The following FGGY variants were observed in gnomAD, a reference collection of about 807,000 sequenced individuals.
FGGY encodes FGGY carbohydrate kinase domain containing, also known as FGGY carbohydrate kinase domain-containing protein.
A neutral mutation model predicts 71.3 loss-of-function variants in FGGY; 72 were observed. That is an observed-to-expected ratio of 1.01 (90% confidence interval 0.84 to 1.23). The LOEUF is 1.23. Among genes scored for constraint, FGGY ranks in the 50% most tolerant of loss-of-function variants. FGGY has a pLI of 0.00. For synonymous variants in FGGY, 251 were observed against 250.3 expected (o/e 1.00, Z -0.02); for missense variants, 668 against 682.3 (o/e 0.98, Z 0.23).
intron 8 of FGGY, among the ~76,000 whole-genome samples, chr1:59,558,549 G>A (rs1380865358): frequency 1.3e-5 from 2 of 152,036 alleles, no homozygotes; most frequent in Non-Finnish European, 2.9e-5. Flanking sequence ...TGCTTCAAAG[G>A]CAAAAAGGAG....
chr1:59,429,203 A>G (rs1319904005), intron 5 of FGGY, among the ~76,000 whole-genome samples: 1 of 152,180 alleles, frequency 6.6e-6, no homozygotes, highest in Non-Finnish European at 1.5e-5. Flanking sequence ...CGTTTAGCAA[A>G]GTAAATCTCT....
intron 11 of FGGY, among the ~76,000 whole-genome samples, chr1:59,651,609 A>G (rs1331837888): frequency 2.7e-5 from 4 of 149,864 alleles, no homozygotes; most frequent in Non-Finnish European, 4.4e-5. Flanking sequence ...TGCTTGGTAG[A>G]TCTTCCTCCA....
chr1:59,675,050 C>T (rs1558764835), intron 14 of FGGY, among the ~76,000 whole-genome samples: 2 of 152,148 alleles, frequency 1.3e-5, no homozygotes, highest in Non-Finnish European at 2.9e-5. Context: ...GCTCTATTAT[C>T]CCCATTTTAT....
intron 5 of FGGY, among the ~76,000 whole-genome samples, chr1:59,451,932 A>C (rs1420538838): frequency 6.6e-6 from 1 of 151,784 alleles, no homozygotes; most frequent in Non-Finnish European, 1.5e-5. Flanking sequence ...TTTTCTGTTT[A>C]CTCTTGAAAT....
At chr1:59,524,097 G>A (rs1191344653) in intron 7 of FGGY, among the ~76,000 whole-genome samples, 1 of 152,238 alleles carries the variant, frequency 6.6e-6, no homozygotes, top group African/African-American at 2.4e-5. Flanking sequence ...GGAAATGCTT[G>A]CTCCTACTCC....
rs148147573 is a variant in FGGY at position 59,631,208 on chromosome 1, G to C, written c.1073+5159G>C. 7.0e-4 allele frequency among the ~76,000 whole-genome samples: 106 copies of C among 151,884 alleles called. 2 individuals carry two copies. The highest frequency in any genetic ancestry group is 2.4e-3 in the African/African-American group (99 of 41,410). On this transcript the variant is annotated intron_variant, in intron 10 of 15. Transcript: ENST00000303721. ...TTCCTCCTTCCTAACCACTTTTCTT[G>C]AGTTTATAGTCCTTTTCTTGACCAT...
intron 6 of FGGY, among the ~76,000 whole-genome samples, chr1:59,499,279 A>C (rs549640192): frequency 7.2e-6 from 1 of 139,452 alleles, no homozygotes; most frequent in South Asian, 2.2e-4. Flanking sequence ...GTAGTACTGA[A>C]CCCTATGTAT....
At chr1:59,496,633 A>C (rs999427219) in intron 6 of FGGY, among the ~76,000 whole-genome samples, 1 of 152,298 alleles carries the variant, frequency 6.6e-6, no homozygotes, top group East Asian at 1.9e-4. Flanking sequence ...TGTGACACGC[A>C]GTTTACCTGT....
chr1:59,666,178 A>G (rs2097323863), intron 12 of FGGY, among the ~76,000 whole-genome samples: 1 of 151,926 alleles, frequency 6.6e-6, no homozygotes, highest in Non-Finnish European at 1.5e-5. Flanking sequence ...TGACTTTCTT[A>G]TCTCTTCTGA....
intron 6 of FGGY, among the ~76,000 whole-genome samples, chr1:59,463,384 C>G (rs568846942): frequency 6.6e-6 from 1 of 152,290 alleles, no homozygotes; most frequent in South Asian, 2.1e-4. Flanking sequence ...AAAGGAACAA[C>G]CAGTACCAGC....
intron 14 of FGGY, chr1:59,698,805 G>T (rs1316228950): frequency 1.1e-5 from 11 of 985,382 alleles, no homozygotes; most frequent in Non-Finnish European, 1.3e-5. Context: ...TTGAGTGCGT[G>T]TACTTAATTT....
chr1:59,463,199 T>C (rs2092377568), intron 6 of FGGY, among the ~76,000 whole-genome samples: 1 of 152,084 alleles, frequency 6.6e-6, no homozygotes, highest in African/African-American at 2.4e-5. Flanking sequence ...ATGGATGAAA[T>C]TGGAAATCAA....
chr1:59,545,071 C>A (rs2095501219), intron 7 of FGGY, among the ~76,000 whole-genome samples: 1 of 152,200 alleles, frequency 6.6e-6, no homozygotes, highest in African/African-American at 2.4e-5. Flanking sequence ...CTATTCAGAT[C>A]TGAGTCACTG....
At chr1:59,751,592 A>G (rs1346558388) in intron 14 of FGGY, among the ~76,000 whole-genome samples, 2 of 152,198 alleles carry the variant, frequency 1.3e-5, no homozygotes, top group East Asian at 3.8e-4. Flanking sequence ...GTCTATGGCC[A>G]GGTGTGTTTT....
At chr1:59,482,080 C>A (rs2093491241) in intron 6 of FGGY, among the ~76,000 whole-genome samples, 1 of 152,146 alleles carries the variant, frequency 6.6e-6, no homozygotes, top group Non-Finnish European at 1.5e-5. Flanking sequence ...GACAGGGTAT[C>A]TAATAACCAG....
chr1:59,329,206 A>G (rs903442198), intron 2 of FGGY, among the ~76,000 whole-genome samples: 1 of 152,220 alleles, frequency 6.6e-6, no homozygotes, highest in African/African-American at 2.4e-5. Context: ...CCACAAAGCA[A>G]ATATCTCAAT....
Position 59,338,232 on chromosome 1 carries a change from T to C in FGGY, c.202-1726T>C, listed in dbSNP as rs143200069. ...AGGAAAGTTTTACATGCTGGAAGAT[T>C]TCGTTTGTTAATATTTTGTTAAGGA... On this transcript the variant is annotated intron_variant, in intron 2 of 15. Transcript: ENST00000303721. 1.9e-3 allele frequency among the ~76,000 whole-genome samples: 283 copies of C among 152,270 alleles called. 4 individuals carry two copies. The East Asian group carries it at 0.044, about 24-fold the overall frequency.
chr1:59,420,187 T>C (rs746680437), intron 5 of FGGY, among the ~76,000 whole-genome samples: 28 of 149,892 alleles, frequency 1.9e-4, no homozygotes, highest in African/African-American at 6.8e-4. Context: ...GAACATCTCA[T>C]GTGTGTAGCT....
At chr1:59,738,062 A>G (rs2098120064) in intron 14 of FGGY, among the ~76,000 whole-genome samples, 1 of 152,228 alleles carries the variant, frequency 6.6e-6, no homozygotes, top group Non-Finnish European at 1.5e-5. Flanking sequence ...CTCAGAATCA[A>G]CCAAGTCAAA....
Sources: allele counts gnomAD v4.1 joint callset (sites outside exome capture counted in the v4.1 genomes callset), GRCh38; gene constraint gnomAD v4.1.1; transcripts MANE v1.5; gene names NCBI Gene and HGNC (gene_info 2026-07-23, HGNC 2026-07-21).